Variants in PRKAG2 observed in about 807,000 individuals in gnomAD.
PRKAG2 encodes the protein protein kinase AMP-activated non-catalytic subunit gamma 2.
In PRKAG2, 26 loss-of-function variants were observed where a neutral mutation model predicts 69.6. That is an observed-to-expected ratio of 0.37 (90% CI 0.27 to 0.52). The LOEUF is 0.52. Ranked by LOEUF, PRKAG2 falls within the 20% of genes least tolerant of loss-of-function variation. The pLI is 0.90. For synonymous variants in PRKAG2, 293 were observed against 285.0 expected (o/e 1.03, Z -0.28); for missense variants, 557 against 740.0 (o/e 0.75, Z 2.87).
intron 3 of PRKAG2, among the ~76,000 whole-genome samples, chr7:151,759,068 C>A (rs2075268432): frequency 6.6e-6 from 1 of 152,154 alleles, no homozygotes; most frequent in South Asian, 2.1e-4. Context: ...TCAATTAAAA[C>A]CTGGAATCCT....
At chr7:151,736,474 C>T in intron 3 of PRKAG2, 2 of 876,392 alleles carry the variant, frequency 2.3e-6, no homozygotes, top group Non-Finnish European at 2.7e-6. Context: ...TCATGTGCAG[C>T]CGTGCATGAT....
chr7:151,675,501 C>T lies in PRKAG2; in HGVS notation c.603G>A (p.Gly201=). The T allele has an allele frequency of 6.2e-7, 1 of 1,614,216 alleles. No homozygotes were observed. The highest frequency in any genetic ancestry group is 8.5e-7 in the Non-Finnish European group (1 of 1,180,040). The part of the protein sequence containing the change: ...IYASSSPPDT[G]QRFCPSSFQS... ...GGAAGGAAGACGGGCAGAACCTCTGCCCTGTGTCCGGGGGGGAAGACGAGG... is the reference window on the plus strand; with the variant it reads ...GGAAGGAAGACGGGCAGAACCTCTGTCCTGTGTCCGGGGGGGAAGACGAGG... The change falls in exon 4 of 16, where the codon GGG becomes GGA. Residue 201 remains glycine (G), a synonymous_variant. Transcript: ENST00000287878.
chr7:151,687,256 C>G (rs1445486867), intron 3 of PRKAG2, among the ~76,000 whole-genome samples: 1 of 152,200 alleles, frequency 6.6e-6, no homozygotes. Context: ...GGACCCAAAA[C>G]GTAACCCTAG....
chr7:151,843,004 A>G (rs2079347895), intron 1 of PRKAG2, among the ~76,000 whole-genome samples: 1 of 151,998 alleles, frequency 6.6e-6, no homozygotes, highest in Non-Finnish European at 1.5e-5. Flanking sequence ...ATCTGGGTGT[A>G]TCTGTGCAGG....
rs1340098749 is a variant in PRKAG2, at chr7:151,756,199, T to C, written c.466+24953A>G. The stretch of plus-strand genomic sequence containing the variant: ...CAGGCCCCTGTGGCCTCCCTGAAAG[T>C]GAGGAGTAAAATGACTCACGTACAG... On this transcript the variant is annotated intron_variant, in intron 3 of 15. Coordinates refer to ENST00000287878, the MANE Select transcript of PRKAG2 (RefSeq NM_016203.4). The surrounding 1 kb of genome is among the most constrained non-coding windows in gnomAD (Gnocchi z 4.9). Among the ~76,000 whole-genome samples the C allele has an allele frequency of 6.6e-6, 1 of 152,000 alleles. No homozygotes were observed. The highest frequency in any genetic ancestry group is 2.4e-5 in the African/African-American group (1 of 41,370).
chr7:151,619,627 T>C (rs1820991088), intron 5 of PRKAG2, among the ~76,000 whole-genome samples: 1 of 152,186 alleles, frequency 6.6e-6, no homozygotes, highest in Admixed American at 6.5e-5. Context: ...ACTATGTATA[T>C]AAGGTATATA....
intron 5 of PRKAG2, chr7:151,631,777 C>A (rs1215151449): frequency 4.2e-6 from 2 of 479,006 alleles, no homozygotes; most frequent in Non-Finnish European, 8.3e-6. Context: ...TGCTGTAATT[C>A]GAGTTCGGCG....
At chr7:151,826,861 CTTGT>C (rs1554613886) in intron 1 of PRKAG2, among the ~76,000 whole-genome samples, 1 of 152,176 alleles carries the variant, frequency 6.6e-6, no homozygotes, top group Non-Finnish European at 1.5e-5. Context: ...GCTCTATTCA[CTTGT>C]TTATTCACCC....
At chr7:151,605,308 C>T (rs1280692913) in intron 5 of PRKAG2, among the ~76,000 whole-genome samples, 1 of 151,868 alleles carries the variant, frequency 6.6e-6, no homozygotes, top group Non-Finnish European at 1.5e-5. Flanking sequence ...TGAGCCATCA[C>T]ACCCAGCCGT....
rs1317830359 is a variant in PRKAG2 at position 151,795,860 on chromosome 7, T to TACACAC, written c.115-9320_115-9319insGTGTGT. On this transcript the variant is annotated intron_variant, in intron 1 of 15. Coordinates refer to ENST00000287878, the MANE Select transcript of PRKAG2 (RefSeq NM_016203.4). Reference sequence around the variant, plus strand: ...CAAACAAATCTCATATATATATATATATATATATATATATATATATATATA... The same window carrying TACACAC: ...CAAACAAATCTCATATATATATATATACACACATATATATATATATATATATATATA... Among the ~76,000 whole-genome samples, 211 of 104,478 alleles carry TACACAC rather than the reference T, an allele frequency of 2.0e-3. 3 individuals carry two copies. The highest frequency in any genetic ancestry group is 8.5e-3 in the African/African-American group (206 of 24,108). 68.5% of individuals were successfully genotyped at this position (104,478 alleles called of 152,430 possible).
In PRKAG2 at chr7:151,795,050, CA is replaced by C. The variant is rs557597294; in HGVS notation, c.115-8510del. Among the ~76,000 whole-genome samples the C allele has an allele frequency of 3.3e-4, 50 of 152,260 alleles. 1 individual carries two copies. The East Asian group carries it at 6.4e-3, about 19-fold the overall frequency. On this transcript the variant is annotated intron_variant, in intron 1 of 15. Transcript: ENST00000287878. Reference sequence around the variant, plus strand: ...GATTCCTGAGAGCCCCTTCCTAGTTCAGGGCCCCAGGGCAGCCTCTTACAGG... The same window carrying C: ...GATTCCTGAGAGCCCCTTCCTAGTTCGGGCCCCAGGGCAGCCTCTTACAGG...
rs369165875 is a variant in PRKAG2, at chr7:151,639,904, T to C, written c.685-7766A>G. Among the ~76,000 whole-genome samples, 101 of 152,236 alleles carry C rather than the reference T, an allele frequency of 6.6e-4. 1 individual carries two copies. In the Middle Eastern group the frequency reaches 0.024, roughly 36 times the overall value. The stretch of plus-strand genomic sequence containing the variant: ...ATCTATCAGTCAGTCAATCAATCAA[T>C]CAATCAATCATCTATTATCTATCTA... On this transcript the variant is annotated intron_variant, in intron 4 of 15. Coordinates refer to ENST00000287878, the MANE Select transcript of PRKAG2 (RefSeq NM_016203.4).
At chr7:151,751,022 C>A (rs1240349313) in intron 3 of PRKAG2, among the ~76,000 whole-genome samples, 1 of 151,730 alleles carries the variant, frequency 6.6e-6, no homozygotes, top group Admixed American at 6.6e-5. Flanking sequence ...TATGCTCATG[C>A]TATTGTCTAA....
intron 1 of PRKAG2, among the ~76,000 whole-genome samples, chr7:151,832,654 G>A (rs1034624970): frequency 6.6e-6 from 1 of 151,178 alleles, no homozygotes; most frequent in African/African-American, 2.4e-5. Context: ...AGCCCCCCGT[G>A]CCTGCAAAGG....
In PRKAG2 at chr7:151,736,255, G is replaced by A. The variant is rs144193550; in HGVS notation, c.466+44897C>T. ...GCCGTCCTGACGGGGCTGCACCTCC[G>A]GCCACAGCAGCTGGAGCGTCAGCCC... On this transcript the variant is annotated intron_variant, in intron 3 of 15. Transcript: ENST00000287878. The A allele has an allele frequency of 4.1e-5, 54 of 1,326,458 alleles. No homozygotes were observed. The East Asian group carries it at 5.5e-4, about 14-fold the overall frequency. The allele number at this position is 1,326,458 out of a possible 1,614,324, so 82.2% of individuals were successfully genotyped here.
chr7:151,813,423 A>T (rs975008391), intron 1 of PRKAG2, among the ~76,000 whole-genome samples: 2 of 149,058 alleles, frequency 1.3e-5, no homozygotes, highest in African/African-American at 5.0e-5. Context: ...AATCACCAGC[A>T]CTCAAGGACC....
chr7:151,832,213 G>T (rs897186778), intron 1 of PRKAG2, among the ~76,000 whole-genome samples: 1 of 118,324 alleles, frequency 8.5e-6, no homozygotes, highest in African/African-American at 3.2e-5. Context: ...GAGGGAGGAA[G>T]AGGAGGGGAG....
chr7:151,733,140 G>T (rs1281834515), intron 3 of PRKAG2, among the ~76,000 whole-genome samples: 1 of 152,234 alleles, frequency 6.6e-6, no homozygotes, highest in Non-Finnish European at 1.5e-5. Flanking sequence ...AACACTGTCT[G>T]TGGGGCACAG....
At chr7:151,716,292 T>A (rs1473659077) in intron 3 of PRKAG2, among the ~76,000 whole-genome samples, 1 of 152,194 alleles carries the variant, frequency 6.6e-6, no homozygotes, top group African/African-American at 2.4e-5. Flanking sequence ...AAAGTGTTGA[T>A]TATGACATGT....
Sources: allele counts gnomAD v4.1 joint callset (sites outside exome capture counted in the v4.1 genomes callset), GRCh38; gene constraint gnomAD v4.1.1; non-coding constraint Gnocchi (gnomAD v3.1); transcripts MANE v1.5; gene names NCBI Gene and HGNC (gene_info 2026-07-23, HGNC 2026-07-21).